OR51B5: variants seen among roughly 807,000 people sequenced by gnomAD.
OR51B5 encodes olfactory receptor 51B5.
For synonymous variants in OR51B5, 186 were observed against 144.8 expected (o/e 1.28, Z -2.04); for missense variants, 456 against 374.6 (o/e 1.22, Z -1.79).
chr11:5,369,467 T>TA (rs1347672358), intron 1 of OR51B5, among the ~76,000 whole-genome samples: 1 of 152,096 alleles, frequency 6.6e-6, no homozygotes, highest in Non-Finnish European at 1.5e-5. Flanking sequence ...TTTTTCTGGA[T>TA]AAAAAATAAA....
At chr11:5,351,735 G>A (rs1849091362) in intron 1 of OR51B5, 7 of 1,613,878 alleles carry the variant, frequency 4.3e-6, no homozygotes, top group Non-Finnish European at 5.1e-6. Context: ...TGACCACAAT[G>A]CCCACAGTGC....
chr11:5,484,492 G>A (rs980328490), intron 1 of OR51B5, among the ~76,000 whole-genome samples: 6 of 152,104 alleles, frequency 3.9e-5, no homozygotes, highest in East Asian at 1.9e-4. Flanking sequence ...AGACTCTGTC[G>A]TCCAAGCTTG....
intron 1 of OR51B5, among the ~76,000 whole-genome samples, chr11:5,405,165 A>T (rs1850040255): frequency 6.6e-6 from 1 of 152,200 alleles, no homozygotes. Context: ...AAGATTTTTA[A>T]CATAAAATAT....
At chr11:5,358,641 T>G (rs1849231483) in intron 1 of OR51B5, among the ~76,000 whole-genome samples, 2 of 152,080 alleles carry the variant, frequency 1.3e-5, no homozygotes, top group South Asian at 4.2e-4. Context: ...TAACTCATTT[T>G]ATGAGGCCAG....
chr11:5,493,586 A>C (rs1851607488), intron 1 of OR51B5, among the ~76,000 whole-genome samples: 1 of 152,182 alleles, frequency 6.6e-6, no homozygotes, highest in African/African-American at 2.4e-5. Context: ...CCTGACAAGG[A>C]AACTTGTCAC....
At chr11:5,487,689 G>T (rs1417250885) in intron 1 of OR51B5, among the ~76,000 whole-genome samples, 1 of 152,118 alleles carries the variant, frequency 6.6e-6, no homozygotes, top group African/African-American at 2.4e-5. Context: ...GTCCCTTTAT[G>T]GGTGGTAAAT....
intron 1 of OR51B5, among the ~76,000 whole-genome samples, chr11:5,376,713 A>G (rs1849534101): frequency 1.3e-5 from 2 of 152,174 alleles, no homozygotes; most frequent in South Asian, 4.2e-4. Context: ...AATCTAGAAG[A>G]AATGGATAAA....
rs564734904 is a variant in OR51B5 at position 5,456,744 on chromosome 11, C to A, written n.84+48825G>T. Among the ~76,000 whole-genome samples, 6 of 152,210 alleles carry A rather than the reference C, an allele frequency of 3.9e-5. No homozygotes were observed. The South Asian group carries it at 1.2e-3, about 32-fold the overall frequency. ...AGCATATGACATTTCCTGCCCAAATCTCAGGTTGAAATATAATCCCCATTG... is the reference window on the plus strand; with the variant it reads ...AGCATATGACATTTCCTGCCCAAATATCAGGTTGAAATATAATCCCCATTG... On this transcript the variant is annotated intron_variant and non_coding_transcript_variant, in intron 1 of 4. Coordinates refer to the OR51B5 transcript ENST00000415970.
At chr11:5,387,064 C>A (rs1475507440) in intron 1 of OR51B5, among the ~76,000 whole-genome samples, 5 of 151,934 alleles carry the variant, frequency 3.3e-5, no homozygotes, top group African/African-American at 1.2e-4. Flanking sequence ...AGAGCCACCA[C>A]TGTATAAGTA....
At chr11:5,390,304 C>T (rs867900871) in intron 1 of OR51B5, 1 of 1,613,678 alleles carries the variant, frequency 6.2e-7, no homozygotes, top group Admixed American at 1.7e-5. Context: ...TTAACCCAAT[C>T]ATATACAGCA....
chr11:5,486,125 G>A (rs1458307734), intron 1 of OR51B5, among the ~76,000 whole-genome samples: 5 of 73,330 alleles, frequency 6.8e-5, no homozygotes, highest in Admixed American at 1.7e-4. Flanking sequence ...CCACAACTGT[G>A]AGAGAATATG....
At chr11:5,442,812 T>G (rs959414522) in intron 1 of OR51B5, among the ~76,000 whole-genome samples, 9 of 152,208 alleles carry the variant, frequency 5.9e-5, no homozygotes, top group African/African-American at 2.2e-4. Context: ...TATGGTCACC[T>G]AGTGACCTCT....
intron 1 of OR51B5, among the ~76,000 whole-genome samples, chr11:5,354,408 C>G (rs1339528366): frequency 6.6e-6 from 1 of 152,200 alleles, no homozygotes; most frequent in Non-Finnish European, 1.5e-5. Context: ...ACTGACAACC[C>G]TGAGTTTCTC....
chr11:5,438,036 T>G (rs910042056), intron 1 of OR51B5, among the ~76,000 whole-genome samples: 2 of 152,094 alleles, frequency 1.3e-5, no homozygotes, highest in Admixed American at 6.6e-5. Flanking sequence ...ATAGGATTGG[T>G]TGGATCAAAA....
At chr11:5,495,856 A>G (rs944972003) in intron 1 of OR51B5, among the ~76,000 whole-genome samples, 1 of 152,252 alleles carries the variant, frequency 6.6e-6, no homozygotes, top group Admixed American at 6.5e-5. Flanking sequence ...AGCTTTAAGG[A>G]CACGCATAGG....
intron 1 of OR51B5, among the ~76,000 whole-genome samples, chr11:5,467,738 G>A (rs1265764214): frequency 6.6e-6 from 1 of 152,186 alleles, no homozygotes; most frequent in African/African-American, 2.4e-5. Context: ...GCTCACTGCA[G>A]GACACGAGCC....
chr11:5,399,759 A>C (rs1849938765), intron 1 of OR51B5, among the ~76,000 whole-genome samples: 1 of 31,240 alleles, frequency 3.2e-5, no homozygotes, highest in Non-Finnish European at 7.9e-5. Flanking sequence ...GAAACTGAGA[A>C]GGATGCAAAA....
At chr11:5,389,650 G>T (rs759157109) in intron 1 of OR51B5, 1 of 1,613,582 alleles carries the variant, frequency 6.2e-7, no homozygotes, top group Admixed American at 1.7e-5. Context: ...CTGACCTGGG[G>T]CTGTGTGTGT....
intron 1 of OR51B5, among the ~76,000 whole-genome samples, chr11:5,359,076 A>C (rs1849239073): frequency 6.6e-6 from 1 of 152,282 alleles, no homozygotes; most frequent in East Asian, 1.9e-4. Context: ...CCCTTTGAAA[A>C]CTGGCACAAG....
Sources: allele counts gnomAD v4.1 joint callset (sites outside exome capture counted in the v4.1 genomes callset), GRCh38; gene constraint gnomAD v4.1.1; transcripts MANE v1.5; gene names NCBI Gene and HGNC (gene_info 2026-07-23, HGNC 2026-07-21).